The following RABEPK variants were observed in gnomAD, a reference collection of about 807,000 sequenced individuals.
The protein encoded by RABEPK is Rab9 effector protein with kelch motifs.
Under a neutral mutation model 34.1 loss-of-function variants are expected in RABEPK, and 27 were observed. The ratio of observed to expected loss-of-function variants is 0.79; its 90% CI spans 0.58 to 1.09. The LOEUF (loss-of-function observed/expected upper bound fraction) is 1.09. RABEPK is among the 50% of genes least tolerant of loss of function. The probability of loss-of-function intolerance (pLI) is 0.00; values close to 1 mark genes in which losing one functional copy is unlikely to be tolerated. For missense variants in RABEPK, 449 were observed against 462.6 expected (o/e 0.97, Z 0.27); for synonymous variants, 172 against 169.2 (o/e 1.02, Z -0.13).
chr9:125,216,990 G>A (rs1407570666), intron 4 of RABEPK, among the ~76,000 whole-genome samples: 2 of 151,478 alleles, frequency 1.3e-5, no homozygotes, highest in African/African-American at 4.9e-5. Flanking sequence ...AAAGAAGAAA[G>A]TGATAGAGTA....
chr9:125,226,788 G>A (rs575042915), intron 5 of RABEPK, among the ~76,000 whole-genome samples: 7 of 150,444 alleles, frequency 4.7e-5, no homozygotes, highest in Non-Finnish European at 7.4e-5. Context: ...TGCTTGAACC[G>A]GGGAGGCGGA....
chr9:125,220,358 G>A, intron 4 of RABEPK, 181 bp from the exon 5 acceptor site: 2 of 1,460,444 alleles, frequency 1.4e-6, no homozygotes, highest in Non-Finnish European at 1.8e-6. Context: ...GGACTGTCTT[G>A]GCAAATCCTA....
chr9:125,206,011 A>G (rs1830204253), intron 2 of RABEPK, among the ~76,000 whole-genome samples: 1 of 152,162 alleles, frequency 6.6e-6, no homozygotes, highest in Non-Finnish European at 1.5e-5. Context: ...AGCAGAAAGG[A>G]CAACCAGAAA....
At chr9:125,215,439 A>G (rs962450443) in intron 4 of RABEPK, among the ~76,000 whole-genome samples, 1 of 151,776 alleles carries the variant, frequency 6.6e-6, no homozygotes, top group African/African-American at 2.4e-5. Context: ...CCTCCCAGGT[A>G]GCTGGGACTA....
In RABEPK at chr9:125,213,443, C is replaced by G. The variant is rs966717189; in HGVS notation, c.285C>G (p.Ser95=). ...PRYEHASFIP[S]CTPDRIWVFG... ...ATGAACATGCTAGCTTCATTCCCTC[C>G]TGCACACCTGACCGTATCTGGGTAT... Residue 95 remains serine, a synonymous_variant, in exon 4 of 8, where the codon TCC becomes TCG. Coordinates refer to ENST00000373538, the MANE Select transcript of RABEPK (RefSeq NM_005833.4). 5 of 1,613,992 alleles carry G rather than the reference C, an allele frequency of 3.1e-6. No homozygotes were observed. In the African/African-American group the frequency reaches 4.0e-5, roughly 13 times the overall value.
chr9:125,217,238 T>C (rs954856739), intron 4 of RABEPK, among the ~76,000 whole-genome samples: 1 of 152,196 alleles, frequency 6.6e-6, no homozygotes, highest in African/African-American at 2.4e-5. Flanking sequence ...ACATAATTAA[T>C]GCTCAGTAAT....
intron 4 of RABEPK, among the ~76,000 whole-genome samples, chr9:125,219,889 G>A (rs974284278): frequency 6.6e-6 from 1 of 152,128 alleles, no homozygotes; most frequent in Non-Finnish European, 1.5e-5. Flanking sequence ...CTGGACTCTG[G>A]CATCTAGTGG....
chr9:125,221,423 G>A (rs1345844812), intron 5 of RABEPK: 2 of 151,686 alleles, frequency 1.3e-5, no homozygotes, highest in Non-Finnish European at 2.9e-5. Context: ...CTTGAACCCG[G>A]GAGGCGGAGG....
intron 5 of RABEPK, among the ~76,000 whole-genome samples, chr9:125,225,914 G>T (rs1027084630): frequency 6.7e-5 from 10 of 149,386 alleles, no homozygotes; most frequent in African/African-American, 2.5e-4. Flanking sequence ...AGTGAGCTGA[G>T]ATTGCACCAT....
chr9:125,210,305 G>A (rs1367451479), intron 3 of RABEPK, among the ~76,000 whole-genome samples: 2 of 150,992 alleles, frequency 1.3e-5, no homozygotes, highest in Non-Finnish European at 2.9e-5. Context: ...CGGGGAGGCT[G>A]AGGCAGGAGA....
chr9:125,217,403 A>ATTTATT (rs1185266869), intron 4 of RABEPK, among the ~76,000 whole-genome samples: 1 of 151,802 alleles, frequency 6.6e-6, no homozygotes, highest in Non-Finnish European at 1.5e-5. Flanking sequence ...TTATTTATTT[A>ATTTATT]TTTATTTTTA....
chr9:125,220,442 G>A, intron 4 of RABEPK, 97 bp from the exon 5 acceptor site: 1 of 1,519,476 alleles, frequency 6.6e-7, no homozygotes, highest in East Asian at 2.3e-5. Context: ...CCCCCCTGGG[G>A]ATTGGAGTTT....
chr9:125,202,779 G>T (rs946671901), intron 1 of RABEPK, among the ~76,000 whole-genome samples: 1 of 152,040 alleles, frequency 6.6e-6, no homozygotes. Flanking sequence ...GCCATGAGCT[G>T]AGATCTTGCC....
chr9:125,218,685 C>G (rs1375329434), intron 4 of RABEPK, among the ~76,000 whole-genome samples: 1 of 152,182 alleles, frequency 6.6e-6, no homozygotes, highest in East Asian at 1.9e-4. Flanking sequence ...AATTCCAACT[C>G]AGCCATTTCT....
At chr9:125,203,482 C>T (rs1002689224) in intron 2 of RABEPK, among the ~76,000 whole-genome samples, 3 of 152,158 alleles carry the variant, frequency 2.0e-5, no homozygotes, top group Non-Finnish European at 4.4e-5. Context: ...TCTGTGGGTG[C>T]TGGAGGTAGA....
chr9:125,204,057 G>T (rs990209412), intron 2 of RABEPK, among the ~76,000 whole-genome samples: 19 of 149,714 alleles, frequency 1.3e-4, no homozygotes, highest in Non-Finnish European at 2.7e-4. Flanking sequence ...AAAAAAGGCC[G>T]GGCACGGTGG....
intron 5 of RABEPK, among the ~76,000 whole-genome samples, chr9:125,225,973 AAG>A (rs1831710667): frequency 6.7e-6 from 1 of 149,914 alleles, no homozygotes; most frequent in African/African-American, 2.5e-5. Context: ...AAAAAAAAAA[AAG>A]AAAAAGAAAA....
intron 4 of RABEPK, among the ~76,000 whole-genome samples, chr9:125,214,046 C>T (rs1291924199): frequency 2.6e-5 from 4 of 151,664 alleles, no homozygotes; most frequent in East Asian, 1.9e-4. Flanking sequence ...CGCTTGAACC[C>T]GGGAGGCGGA....
intron 6 of RABEPK, among the ~76,000 whole-genome samples, chr9:125,229,308 C>CTG (rs1413337583): frequency 6.6e-6 from 1 of 152,054 alleles, no homozygotes; most frequent in African/African-American, 2.4e-5. Context: ...TGACAGGCAC[C>CTG]TGTAGTCCTG....
Sources: gnomAD v4.1 joint callset for allele counts (sites outside exome capture counted in the v4.1 genomes callset) on GRCh38, gnomAD v4.1.1 for gene constraint, MANE v1.5 for transcripts, NCBI Gene and HGNC (gene_info 2026-07-23, HGNC 2026-07-21) for gene names.